The following CLYBL variants were observed in gnomAD, a reference collection of about 807,000 sequenced individuals.
CLYBL encodes the protein citramalyl-CoA lyase.
Under a neutral mutation model 38.9 loss-of-function variants are expected in CLYBL, and 31 were observed. The observed-to-expected ratio is 0.80, with a 90% CI of 0.60 to 1.08. CLYBL has a LOEUF of 1.08. CLYBL is among the 50% of genes least tolerant of loss of function. The pLI is 0.00. For synonymous variants in CLYBL, 171 were observed against 158.6 expected (o/e 1.08, Z -0.59); for missense variants, 434 against 411.6 (o/e 1.05, Z -0.47).
At chr13:99,828,493 C>G (rs1387211290) in intron 2 of CLYBL, among the ~76,000 whole-genome samples, 9 of 152,152 alleles carry the variant, frequency 5.9e-5, no homozygotes, top group Non-Finnish European at 1.3e-4. Flanking sequence ...GTATCATTTC[C>G]TAGTGGCAAA....
intron 1 of CLYBL, among the ~76,000 whole-genome samples, chr13:99,687,949 A>G (rs2076450294): frequency 6.6e-6 from 1 of 152,216 alleles, no homozygotes; most frequent in South Asian, 2.1e-4. Flanking sequence ...TGCAAATGGA[A>G]TTGCCCCCTG....
intron 1 of CLYBL, among the ~76,000 whole-genome samples, chr13:99,629,534 G>A (rs1159600555): frequency 6.6e-6 from 1 of 152,182 alleles, no homozygotes; most frequent in African/African-American, 2.4e-5. Flanking sequence ...GAGAGATGCT[G>A]ATTCCATCTG....
At chr13:99,825,739 C>T (rs377658775) in intron 2 of CLYBL, among the ~76,000 whole-genome samples, 10 of 152,156 alleles carry the variant, frequency 6.6e-5, no homozygotes, top group African/African-American at 2.2e-4. Flanking sequence ...TGAGGGAGAA[C>T]GTGTGTCAGG....
intron 2 of CLYBL, among the ~76,000 whole-genome samples, chr13:99,837,721 A>G (rs1245316296): frequency 6.6e-6 from 1 of 152,194 alleles, no homozygotes; most frequent in Non-Finnish European, 1.5e-5. Flanking sequence ...TTTGCCCAAT[A>G]GGCGAGGCAT....
chr13:99,909,027 T>C (rs925261511), exon 10 of CLYBL, among the ~76,000 whole-genome samples: 1 of 152,190 alleles, frequency 6.6e-6, no homozygotes, highest in Non-Finnish European at 1.5e-5. Flanking sequence ...ATCATAGCAC[T>C]AACATTCAGT....
chr13:99,744,098 G>C (rs1479506497), intron 1 of CLYBL, among the ~76,000 whole-genome samples: 2 of 148,856 alleles, frequency 1.3e-5, no homozygotes, highest in East Asian at 2.0e-4. Context: ...TCAGCCTCCC[G>C]AGTAGCTGGG....
At chr13:99,871,206 T>G (rs903191594) in intron 7 of CLYBL, 144 bp downstream of exon 7, 2 of 920,988 alleles carry the variant, frequency 2.2e-6, no homozygotes, top group Non-Finnish European at 3.3e-6. Flanking sequence ...CATTCACCAG[T>G]GAGAAAATTG....
intron 1 of CLYBL, among the ~76,000 whole-genome samples, chr13:99,738,234 A>T (rs2048697711): frequency 6.6e-6 from 1 of 152,204 alleles, no homozygotes; most frequent in African/African-American, 2.4e-5. Flanking sequence ...TGAAAGAACC[A>T]ATCAGTTGTA....
intron 1 of CLYBL, among the ~76,000 whole-genome samples, chr13:99,692,825 T>C (rs1317304360): frequency 1.3e-5 from 2 of 152,208 alleles, no homozygotes; most frequent in Non-Finnish European, 2.9e-5. Context: ...TGGGACTATA[T>C]AAATATGCCC....
chr13:99,758,343 G>A (rs1780633418), intron 1 of CLYBL, among the ~76,000 whole-genome samples: 1 of 152,146 alleles, frequency 6.6e-6, no homozygotes, highest in South Asian at 2.1e-4. Context: ...TCTAAAAAAG[G>A]TCCCTCTTTA....
At chr13:99,861,931 G>GT (rs1182793345) in intron 3 of CLYBL, among the ~76,000 whole-genome samples, 4 of 152,140 alleles carry the variant, frequency 2.6e-5, no homozygotes, top group Admixed American at 6.5e-5. Flanking sequence ...TTAAGCATTA[G>GT]TTTTTTTATG....
chr13:99,894,971 C>T (rs900606803), downstream of CLYBL: 1 of 152,166 alleles, frequency 6.6e-6, no homozygotes, highest in African/African-American at 2.4e-5. Flanking sequence ...CTCCCGGCCG[C>T]CCTCCCCTCC....
At chr13:99,635,268 C>T (rs556552242) in intron 1 of CLYBL, among the ~76,000 whole-genome samples, 104 of 151,942 alleles carry the variant, frequency 6.8e-4, no homozygotes, top group Non-Finnish European at 8.7e-4. Flanking sequence ...TCAAATCTGC[C>T]GCCTTTCTCT....
chr13:99,738,648 C>T (rs1328619320), intron 1 of CLYBL, among the ~76,000 whole-genome samples: 1 of 152,134 alleles, frequency 6.6e-6, no homozygotes, highest in Non-Finnish European at 1.5e-5. Flanking sequence ...GGGGACTTGC[C>T]AGCCTCTGAT....
chr13:99,682,083 A>C (rs1389571444), intron 1 of CLYBL, among the ~76,000 whole-genome samples: 1 of 152,034 alleles, frequency 6.6e-6, no homozygotes, highest in Non-Finnish European at 1.5e-5. Flanking sequence ...ACATAAACCT[A>C]CACAACATGT....
chr13:99,648,943 C>T (rs1377479517), intron 1 of CLYBL, among the ~76,000 whole-genome samples: 1 of 149,316 alleles, frequency 6.7e-6, no homozygotes, highest in African/African-American at 2.6e-5. Flanking sequence ...ACATTTAACC[C>T]ATCCCCAAAA....
At chr13:99,670,201 A>T (rs2047544345) in intron 1 of CLYBL, among the ~76,000 whole-genome samples, 1 of 151,926 alleles carries the variant, frequency 6.6e-6, no homozygotes, top group Non-Finnish European at 1.5e-5. Flanking sequence ...TCCATCTTAA[A>T]AAAAAAAGAG....
At chr13:99,751,066 A>G (rs527711915) in intron 1 of CLYBL, among the ~76,000 whole-genome samples, 19 of 152,320 alleles carry the variant, frequency 1.2e-4, no homozygotes, top group African/African-American at 4.3e-4. Context: ...TCGTAGCAGC[A>G]CTATTCACAT....
chr13:99,640,155 C>T (rs1402542078), intron 1 of CLYBL, among the ~76,000 whole-genome samples: 1 of 152,092 alleles, frequency 6.6e-6, no homozygotes, highest in Non-Finnish European at 1.5e-5. Context: ...AACTAATGCC[C>T]AAAGTACCTG....
Sources: gnomAD v4.1 joint callset for allele counts (sites outside exome capture counted in the v4.1 genomes callset) on GRCh38, gnomAD v4.1.1 for gene constraint, MANE v1.5 for transcripts, NCBI Gene and HGNC (gene_info 2026-07-23, HGNC 2026-07-21) for gene names.